The following INTS3 variants were observed in gnomAD, a reference collection of about 807,000 sequenced individuals.
INTS3 encodes SOSS complex subunit A.
Under a neutral mutation model 146.3 loss-of-function variants are expected in INTS3, and 34 were observed. The ratio of observed to expected loss-of-function variants is 0.23; its 90% confidence interval spans 0.18 to 0.31. The LOEUF (loss-of-function observed/expected upper bound fraction) is 0.31. INTS3 is among the 10% of genes least tolerant of loss of function. INTS3 has a pLI of 1.00. For synonymous variants in INTS3, 475 were observed against 494.9 expected (o/e 0.96, Z 0.53); for missense variants, 757 against 1,304.2 (o/e 0.58, Z 6.46).
chr1:153,759,204 G>A (rs939162967), intron 10 of INTS3, among the ~76,000 whole-genome samples: 3 of 151,866 alleles, frequency 2.0e-5, no homozygotes, highest in Non-Finnish European at 4.4e-5. Context: ...AGCCTGGGCG[G>A]TGGAGGTTGC....
chr1:153,751,881 C>T (rs1671968946), intron 7 of INTS3, among the ~76,000 whole-genome samples: 1 of 152,200 alleles, frequency 6.6e-6, no homozygotes, highest in African/African-American at 2.4e-5. Flanking sequence ...CAGAATCGGA[C>T]CCACAGAATT....
intron 20 of INTS3, among the ~76,000 whole-genome samples, chr1:153,765,503 T>G (rs1672544084): frequency 6.6e-6 from 1 of 152,146 alleles, no homozygotes; most frequent in Non-Finnish European, 1.5e-5. Context: ...TTATTGGTTT[T>G]GGGTTTTTTT....
chr1:153,728,931 T>C, intron 1 of INTS3, 147 bp downstream of exon 1: 1 of 590,328 alleles, frequency 1.7e-6, no homozygotes, highest in Non-Finnish European at 2.9e-6. Flanking sequence ...TCCAGCTTCC[T>C]GCTCCTGAGG....
rs1406874954 is a variant in INTS3 at position 153,763,883 on chromosome 1, G to A, written c.1818G>A (p.Leu606=). ...TGCAGGAAATTGTGGACCAGGTCCT[G>A]GAGGTGAGGAGGAACCCAATCCCTT... ...EVMQEIVDQV[L]EEDFDSEQLS... Residue 606 remains leucine (L), a synonymous_variant, in exon 17 of 30, where the codon CTG becomes CTA. Transcript: ENST00000318967. 7 of 1,613,518 alleles carry A rather than the reference G, an allele frequency of 4.3e-6. No homozygotes were observed. The highest frequency in any genetic ancestry group is 5.9e-6 in the Non-Finnish European group (7 of 1,179,678).
chr1:153,728,264 A>G lies in INTS3; in HGVS notation c.-371A>G. 2.6e-6 allele frequency: 1 copy of G among 382,556 alleles called. No homozygotes were observed. Among genetic ancestry groups the G allele is most frequent in the Non-Finnish European group, 4.6e-6 (1 of 216,096 alleles). 23.7% of individuals were successfully genotyped at this position (382,556 alleles called of 1,614,324 possible). On this transcript the variant is annotated 5_prime_UTR_variant, in exon 1 of 30. Coordinates refer to ENST00000318967, the MANE Select transcript of INTS3 (RefSeq NM_023015.5). Reference sequence around the variant, plus strand: ...GACTCCTCTTTTCCCCCCACGGGGAAAAGAGGCAGAAACTTAGGGGTTTCC... The same window carrying G: ...GACTCCTCTTTTCCCCCCACGGGGAGAAGAGGCAGAAACTTAGGGGTTTCC...
chr1:153,758,467 G>A (rs1672244655), intron 10 of INTS3, among the ~76,000 whole-genome samples: 1 of 152,216 alleles, frequency 6.6e-6, no homozygotes, highest in African/African-American at 2.4e-5. Context: ...CTGAGTCCAA[G>A]CATTGTCCCC....
At chr1:153,744,033 ATGTGCGTGTG>A (rs1199394359) in intron 3 of INTS3, among the ~76,000 whole-genome samples, 2 of 102,282 alleles carry the variant, frequency 2.0e-5, no homozygotes, top group African/African-American at 7.9e-5. Context: ...GAGGGTGTGC[ATGTGCGTGTG>A]TGTGTGTGTG....
rs1234546125 is a variant in INTS3 at position 153,768,899 on chromosome 1, G to C, written c.2251G>C (p.Asp751His). The change falls in exon 22 of 30, where the codon GAT becomes CAT. Residue 751 changes from aspartate (D) to histidine (H), a missense_variant. By Grantham distance (81) the Asp-to-His change is moderately conservative. This residue lies in a region of INTS3 where 116 missense variants were observed against 226.5 expected (regional missense o/e 0.51). Coordinates refer to ENST00000318967, the MANE Select transcript of INTS3 (RefSeq NM_023015.5). ...CCTCTCTTTTTCCATTTAGTTTCCA[G>C]ATGAAACCTTGAGGAGCGGAGAGCT... ...LTPSIYTEFP[D>H]ETLRSGELLN... The C allele has an allele frequency of 6.2e-7, 1 of 1,613,782 alleles. No individual in the cohort carries two copies. The highest frequency in any genetic ancestry group is 8.5e-7 in the Non-Finnish European group (1 of 1,179,762).
chr1:153,763,851 G>A lies in INTS3; in HGVS notation c.1786G>A (p.Glu596Lys). ...QKGSDTEAQC[E>K]VMQEIVDQVL... ...CTGCAGTGATACGGAGGCCCAGTGT[G>A]AGGTCATGCAGGAAATTGTGGACCA... The change falls in exon 17 of 30, where the codon GAG (glutamate) becomes AAG (lysine). Residue 596 changes from glutamate (E) to lysine (K), a missense_variant. By Grantham distance (56) the Glu-to-Lys change is moderately conservative. This residue lies in a region of INTS3 where 89 missense variants were observed against 210.9 expected (regional missense o/e 0.42). Coordinates refer to ENST00000318967, the MANE Select transcript of INTS3 (RefSeq NM_023015.5). 6.2e-7 allele frequency: 1 copy of A among 1,614,054 alleles called. No homozygotes were observed. Among genetic ancestry groups the A allele is most frequent in the Non-Finnish European group, 8.5e-7 (1 of 1,179,972 alleles).
At chr1:153,750,061 A>C (rs953704058) in intron 6 of INTS3, among the ~76,000 whole-genome samples, 31 of 152,226 alleles carry the variant, frequency 2.0e-4, no homozygotes, top group Non-Finnish European at 5.9e-5. Context: ...GGTAGCAGGT[A>C]GGGGAGGAAA....
intron 1 of INTS3, among the ~76,000 whole-genome samples, chr1:153,733,616 T>G (rs1024424051): frequency 6.6e-5 from 10 of 151,716 alleles, no homozygotes; most frequent in Admixed American, 6.6e-5. Flanking sequence ...TGTATGCTTT[T>G]TTTTGTGGGG....
At position 153,760,369 on chromosome 1, in the gene INTS3, A is replaced by G. The variant is rs1402747668; in HGVS notation, c.1296A>G (p.Thr432=). 9 of 1,612,734 alleles carry G rather than the reference A, an allele frequency of 5.6e-6. No homozygotes were observed. The highest frequency in any genetic ancestry group is 6.8e-6 in the Non-Finnish European group (8 of 1,179,744). Residue 432 remains threonine, a synonymous_variant, in exon 12 of 30, where the codon ACA becomes ACG. Transcript: ENST00000318967. ...AGCCCCACCCAGCCATCACTGCCAC[A>G]CTCCTGGACTTCATGTGCCGCGTAA... ...SMKPHPAITA[T]LLDFMCRIIP... is the part of the protein sequence containing the mutation.
intron 8 of INTS3, among the ~76,000 whole-genome samples, chr1:153,753,382 C>A (rs373615228): frequency 6.6e-6 from 1 of 151,744 alleles, no homozygotes; most frequent in South Asian, 2.1e-4. Flanking sequence ...CATGATGAAA[C>A]CCTGTCTATA....
chr1:153,772,111 A>C lies in INTS3; in HGVS notation c.2720+148A>C. ...GCGACATCTAGTGGTCCGAAGCCAC[A>C]TGGCATGCGAGACCACCGTGGCCCT... On this transcript the variant is annotated intron_variant, in intron 26 of 29. Coordinates refer to ENST00000318967, the MANE Select transcript of INTS3 (RefSeq NM_023015.5). This position sits in a 1 kb window ranked among gnomAD's most constrained non-coding sequence, Gnocchi z 4.6. 1 of 992,282 alleles carries C rather than the reference A, an allele frequency of 1.0e-6. No homozygotes were observed. Among genetic ancestry groups the C allele is most frequent in the Non-Finnish European group, 1.5e-6 (1 of 681,556 alleles). 61.5% of individuals were successfully genotyped at this position (992,282 alleles called of 1,614,324 possible). A position where few individuals can be genotyped will look rare whatever the true frequency, so the allele number is the denominator to read the frequency against.
chr1:153,758,019 A>C (rs1227207536), intron 10 of INTS3, among the ~76,000 whole-genome samples: 2 of 152,122 alleles, frequency 1.3e-5, no homozygotes, highest in African/African-American at 2.4e-5. Flanking sequence ...GGGTTTCTGG[A>C]GCGTCCCTGC....
rs755248331 is a variant in INTS3 at position 153,761,613 on chromosome 1, C to CTGCG, written c.1454_1457dup (p.Met488GlyfsTer9). 6.2e-7 allele frequency: 1 copy of CTGCG among 1,614,188 alleles called. No individual in the cohort carries two copies. ...TGACAACCCTAAGTTGGATAAGGAGCTGCGGGCAATGCTGAGAGAGAAGTT... is the reference window on the plus strand; with the variant it reads ...TGACAACCCTAAGTTGGATAAGGAGCTGCGTGCGGGCAATGCTGAGAGAGAAGTT... On this transcript the variant is annotated frameshift_variant, in exon 14 of 30. Coordinates refer to ENST00000318967, the MANE Select transcript of INTS3 (RefSeq NM_023015.5). LOFTEE classifies it high-confidence loss of function.
intron 3 of INTS3, among the ~76,000 whole-genome samples, chr1:153,742,476 C>CTGTG (rs1161319800): frequency 2.2e-4 from 13 of 60,308 alleles, no homozygotes; most frequent in African/African-American, 1.0e-3. Flanking sequence ...GTTTTTTAAT[C>CTGTG]TCTGTGTGTG....
chr1:153,760,829 C>A lies in INTS3; in HGVS notation c.1320C>A (p.Ile440=). Residue 440 remains isoleucine, a splice_region_variant and synonymous_variant, in exon 13 of 30, where the codon ATC becomes ATA. Coordinates refer to ENST00000318967, the MANE Select transcript of INTS3 (RefSeq NM_023015.5). ...TTCCCCTCCTTCTTCGCTTCCAGATCATTCCCAACTTCTATCCACCATTGG... is the reference window on the plus strand; with the variant it reads ...TTCCCCTCCTTCTTCGCTTCCAGATAATTCCCAACTTCTATCCACCATTGG... ...TATLLDFMCR[I]IPNFYPPLEG... is the part of the protein sequence containing the mutation. 6.2e-7 allele frequency: 1 copy of A among 1,613,220 alleles called. No homozygotes were observed. The highest frequency in any genetic ancestry group is 1.7e-5 in the Admixed American group (1 of 60,030).
At chr1:153,764,659 T>G in intron 18 of INTS3, 31 bp from the exon 19 acceptor site, 1 of 1,560,638 alleles carries the variant, frequency 6.4e-7, no homozygotes, top group Non-Finnish European at 8.8e-7. Flanking sequence ...CCCCCTCACA[T>G]GGATTCTCAA....
Sources: gnomAD v4.1 joint callset for allele counts (sites outside exome capture counted in the v4.1 genomes callset) on GRCh38, gnomAD v4.1.1 for gene constraint, gnomAD v4.1.1 regional missense constraint, Gnocchi (gnomAD v3.1) non-coding constraint, MANE v1.5 for transcripts, NCBI Gene and HGNC (gene_info 2026-07-23, HGNC 2026-07-21) for gene names.